MED12L: variants seen among roughly 807,000 people sequenced by gnomAD.
MED12L encodes the protein mediator of RNA polymerase II transcription subunit 12-like protein.
MED12L carries 60 observed loss-of-function variants against 281.3 expected under a neutral mutation model. The observed-to-expected ratio is 0.21, with a 90% CI of 0.17 to 0.26. The LOEUF is 0.26. Among genes scored for constraint, MED12L ranks in the 10% least tolerant of loss-of-function variants. MED12L has a pLI of 1.00. For synonymous variants in MED12L, 974 were observed against 987.2 expected (o/e 0.99, Z 0.25); for missense variants, 2,146 against 2,680.9 (o/e 0.80, Z 4.41).
intron 43 of MED12L, among the ~76,000 whole-genome samples, chr3:151,417,181 T>C (rs905530782): frequency 1.3e-5 from 2 of 152,196 alleles, no homozygotes; most frequent in Non-Finnish European, 2.9e-5. Context: ...TGATGTGAAT[T>C]GCATGAATGA....
chr3:151,377,316 T>G (rs1756966824), intron 30 of MED12L, 138 bp downstream of exon 30: 2 of 685,714 alleles, frequency 2.9e-6, no homozygotes. Flanking sequence ...TTATTATTAA[T>G]AAGTTAATGA....
intron 33 of MED12L, among the ~76,000 whole-genome samples, chr3:151,383,437 C>T (rs1274734767): frequency 2.0e-5 from 3 of 152,218 alleles, no homozygotes; most frequent in Non-Finnish European, 4.4e-5. Flanking sequence ...AATTGGATTA[C>T]ATGACTTTGA....
In MED12L at chr3:151,193,183, C is replaced by T. The variant is rs190171283; in HGVS notation, c.2074-307C>T. The stretch of plus-strand genomic sequence containing the variant: ...TATATGTTTCTGTACGAAATGTAGC[C>T]CTACGAGGAAAACACTTACCCATAA... On this transcript the variant is annotated intron_variant, in intron 15 of 44. Coordinates refer to ENST00000687756, the MANE Select transcript of MED12L (RefSeq NM_001393769.1). 7.9e-5 allele frequency among the ~76,000 whole-genome samples: 12 copies of T among 152,126 alleles called. No individual in the cohort carries two copies. The East Asian group carries it at 2.1e-3, about 27-fold the overall frequency.
At chr3:151,090,972 C>T (rs745871531) in intron 2 of MED12L, among the ~76,000 whole-genome samples, 47 of 152,046 alleles carry the variant, frequency 3.1e-4, no homozygotes, top group Admixed American at 5.9e-4. Flanking sequence ...ACCCAGGAGG[C>T]GGAGGTTGCA....
At chr3:151,340,314 A>G (rs903258389) in intron 16 of MED12L, among the ~76,000 whole-genome samples, 1 of 152,146 alleles carries the variant, frequency 6.6e-6, no homozygotes, top group African/African-American at 2.4e-5. Flanking sequence ...AGCTCCCTTT[A>G]TCTGTATTTA....
intron 39 of MED12L, among the ~76,000 whole-genome samples, chr3:151,406,431 T>G (rs1249319664): frequency 6.6e-6 from 1 of 152,210 alleles, no homozygotes; most frequent in Non-Finnish European, 1.5e-5. Flanking sequence ...TTAGGGTGTT[T>G]TCTTTTTAGG....
rs150545373 is a variant in MED12L at position 151,086,718 on chromosome 3, G to A, written c.-129-80G>A. On this transcript the variant is annotated intron_variant, in intron 1 of 44. Coordinates refer to ENST00000687756, the MANE Select transcript of MED12L (RefSeq NM_001393769.1). The stretch of plus-strand genomic sequence containing the variant: ...GGGGCTCGAGCGCAGCCGAGTACCC[G>A]CCGAAGGCTGTCCCCATCAGTGCGT... The A allele has an allele frequency of 2.7e-4, 117 of 440,778 alleles. 1 individual carries two copies. The highest frequency in any genetic ancestry group is 2.2e-3 in the African/African-American group (105 of 48,542). The allele number at this position is 440,778 out of a possible 1,614,324, so 27.3% of individuals were successfully genotyped here.
At chr3:151,383,048 A>C (rs1046871843) in intron 33 of MED12L, among the ~76,000 whole-genome samples, 4 of 152,230 alleles carry the variant, frequency 2.6e-5, no homozygotes, top group Non-Finnish European at 5.9e-5. Context: ...GAAGACTGTT[A>C]TAAGTGTTAG....
chr3:151,423,899 CTT>C (rs1391213021), intron 43 of MED12L, among the ~76,000 whole-genome samples: 2 of 152,138 alleles, frequency 1.3e-5, no homozygotes, highest in Non-Finnish European at 2.9e-5. Context: ...TCGACTGATC[CTT>C]GTGTCCGTTT....
At position 151,164,086 on chromosome 3, in the gene MED12L, G is replaced by C. The variant is rs375006472; in HGVS notation, c.1257+44G>C. ...TGATTTGATGGCTGTTTTCATTCTT[G>C]ACAGGCATCAGGGCACAGTGGGTCA... is the stretch of plus-strand genomic sequence containing the variant. On this transcript the variant is annotated intron_variant, in intron 9 of 44. Coordinates refer to ENST00000687756, the MANE Select transcript of MED12L (RefSeq NM_001393769.1). The C allele has an allele frequency of 4.4e-6, 7 of 1,601,026 alleles. No individual in the cohort carries two copies. The African/African-American group carries it at 9.4e-5, about 21-fold the overall frequency.
At position 151,357,239 on chromosome 3, in the gene MED12L, A is replaced by G. The variant is rs1247643986; in HGVS notation, c.2688A>G (p.Glu896=). ...IQLLNELSVV[E]AELLLKSSSL... ...TACTAAATGAACTGAGTGTTGTGGAAGCTGAACTGCTCCTAAAATCCTCCA... is the reference window on the plus strand; with the variant it reads ...TACTAAATGAACTGAGTGTTGTGGAGGCTGAACTGCTCCTAAAATCCTCCA... Residue 896 remains glutamate (E), a synonymous_variant, in exon 20 of 45, where the codon GAA becomes GAG. Coordinates refer to ENST00000687756, the MANE Select transcript of MED12L (RefSeq NM_001393769.1). 6.2e-7 allele frequency: 1 copy of G among 1,612,646 alleles called. No individual in the cohort carries two copies. The highest frequency in any genetic ancestry group is 1.7e-5 in the Admixed American group (1 of 59,746).
At chr3:151,185,842 T>C (rs970946292) in intron 12 of MED12L, among the ~76,000 whole-genome samples, 4 of 152,030 alleles carry the variant, frequency 2.6e-5, no homozygotes, top group African/African-American at 9.7e-5. Flanking sequence ...ACTCTGTCTC[T>C]AAAAAAGTAA....
chr3:151,361,130 C>T (rs1174650813), intron 21 of MED12L, among the ~76,000 whole-genome samples: 1 of 151,996 alleles, frequency 6.6e-6, no homozygotes, highest in Non-Finnish European at 1.5e-5. Flanking sequence ...CTTTAATATC[C>T]TTTGGGCATT....
intron 16 of MED12L, among the ~76,000 whole-genome samples, chr3:151,229,088 T>G (rs1184690799): frequency 6.6e-6 from 1 of 152,184 alleles, no homozygotes; most frequent in Non-Finnish European, 1.5e-5. Flanking sequence ...ACCACTTGTG[T>G]GTTTGTTCAA....
Position 151,193,672 on chromosome 3 carries a change from T to C in MED12L, c.2250+6T>C. 2.5e-6 allele frequency: 4 copies of C among 1,608,644 alleles called. No individual in the cohort carries two copies. The highest frequency in any genetic ancestry group is 3.4e-6 in the Non-Finnish European group (4 of 1,175,616). ...CACATTTTCCTATACCTCTGGTAAG[T>C]CATTGCTTCAGTTAATCTATACCCT... On this transcript the variant is annotated splice_donor_region_variant and intron_variant, in intron 16 of 44. Transcript: ENST00000687756.
chr3:151,429,852 G>A (rs1226221851), intron 43 of MED12L, among the ~76,000 whole-genome samples: 81 of 152,270 alleles, frequency 5.3e-4, no homozygotes, highest in Non-Finnish European at 8.8e-5. Flanking sequence ...CCTAGTCCTA[G>A]GGCACCACCC....
intron 16 of MED12L, among the ~76,000 whole-genome samples, chr3:151,231,184 T>C (rs1174758229): frequency 6.6e-6 from 1 of 152,200 alleles, no homozygotes. Context: ...AAAGCTCTTG[T>C]TTACAGGAGA....
rs948152079 is a variant in MED12L at position 151,156,244 on chromosome 3, G to A, written c.640G>A (p.Asp214Asn). Residue 214 changes from aspartate to asparagine, a missense_variant, in exon 6 of 45, where the codon GAT becomes AAT. Physicochemically the swap from Asp to Asn is conservative, Grantham distance 23. Coordinates refer to ENST00000687756, the MANE Select transcript of MED12L (RefSeq NM_001393769.1). ...DFYHMASSTG[D>N]GPVPVPPEVE... ...TTACCACATGGCCTCCAGCACGGGC[G>A]ATGGCCCTGTCCCTGTGCCACCAGA... 6 of 1,613,578 alleles carry A rather than the reference G, an allele frequency of 3.7e-6. No individual in the cohort carries two copies. The highest frequency in any genetic ancestry group is 1.6e-4 in the Middle Eastern group (1 of 6,062).
chr3:151,269,136 G>A lies in MED12L; in HGVS notation c.2250+75470G>A, dbSNP rs140223078. On this transcript the variant is annotated intron_variant, in intron 16 of 44. Transcript: ENST00000687756. ...GTACAAAAGGAAATACAGGCTGGGC[G>A]CGGTGGCTTATGCCTATACTCTGGG... 6.9e-3 allele frequency among the ~76,000 whole-genome samples: 1,045 copies of A among 152,206 alleles called. 8 individuals carry two copies. The highest frequency in any genetic ancestry group is 0.027 in the South Asian group (132 of 4,816).
Sources: allele counts gnomAD v4.1 joint callset (sites outside exome capture counted in the v4.1 genomes callset), GRCh38; gene constraint gnomAD v4.1.1; transcripts MANE v1.5; gene names NCBI Gene and HGNC (gene_info 2026-07-23, HGNC 2026-07-21).